The following CLSTN2 variants were observed in gnomAD, a reference collection of about 807,000 sequenced individuals.
The protein encoded by CLSTN2 is calsyntenin-2.
Under a neutral mutation model 101.2 loss-of-function variants are expected in CLSTN2, and 48 were observed. That is an observed-to-expected ratio of 0.47 (90% confidence interval 0.38 to 0.60). CLSTN2 has a LOEUF of 0.60. Ranked by LOEUF, CLSTN2 falls within the 20% of genes least tolerant of loss-of-function variation. The pLI is 0.00. For synonymous variants in CLSTN2, 481 were observed against 463.6 expected, an observed-to-expected ratio of 1.04 and a Z score of -0.48; for missense variants, 1,160 against 1,238.2, an observed-to-expected ratio of 0.94 and a Z score of 0.95.
chr3:140,422,124 G>T (rs1229057109), intron 5 of CLSTN2, among the ~76,000 whole-genome samples: 2 of 151,880 alleles, frequency 1.3e-5, no homozygotes, highest in African/African-American at 4.8e-5. Context: ...TCTGTGTACT[G>T]CCTTCTCTTG....
At chr3:140,063,578 CAG>C (rs1339605335) in intron 1 of CLSTN2, among the ~76,000 whole-genome samples, 2 of 152,158 alleles carry the variant, frequency 1.3e-5, no homozygotes, top group African/African-American at 4.8e-5. Context: ...TGCATGTGGA[CAG>C]AGTGTGGAAA....
chr3:140,210,932 T>C (rs769634928), intron 2 of CLSTN2, among the ~76,000 whole-genome samples: 10 of 152,182 alleles, frequency 6.6e-5, no homozygotes, highest in Non-Finnish European at 1.2e-4. Context: ...CTTCGATTCA[T>C]AGTTCCCCCT....
intron 2 of CLSTN2, among the ~76,000 whole-genome samples, chr3:140,390,602 TG>T (rs1431122264): frequency 6.6e-6 from 1 of 152,234 alleles, no homozygotes; most frequent in African/African-American, 2.4e-5. Context: ...ACATATCAGT[TG>T]GGACAAAATG....
intron 2 of CLSTN2, among the ~76,000 whole-genome samples, chr3:140,254,103 A>T (rs867744000): frequency 6.2e-4 from 94 of 152,338 alleles, no homozygotes; most frequent in African/African-American, 2.1e-3. Context: ...GAGACTCTTT[A>T]CAAAATATTT....
At chr3:140,128,614 A>G (rs772817074) in intron 1 of CLSTN2, among the ~76,000 whole-genome samples, 41 of 152,184 alleles carry the variant, frequency 2.7e-4, no homozygotes, top group Non-Finnish European at 5.0e-4. Context: ...GGCTTCCCTG[A>G]TGGAAGTGTG....
At chr3:140,532,765 T>C (rs181630494) in intron 9 of CLSTN2, among the ~76,000 whole-genome samples, 139 of 152,366 alleles carry the variant, frequency 9.1e-4, no homozygotes, top group Non-Finnish European at 1.7e-3. Context: ...TGAAGTCTTA[T>C]TCATTTCCAA....
intron 5 of CLSTN2, among the ~76,000 whole-genome samples, chr3:140,429,647 CG>C (rs1051276565): frequency 6.6e-6 from 1 of 152,100 alleles, no homozygotes; most frequent in Non-Finnish European, 1.5e-5. Flanking sequence ...AAGGACTCCT[CG>C]GCAAACCACA....
Position 140,138,686 on chromosome 3 carries a change from T to C in CLSTN2, c.110-37265T>C, listed in dbSNP as rs144404323. ...TTTGCTTTGAGCTATTTTTCATGCC[T>C]GAGTTACCCCCTACTCTCACCAAAG... is the stretch of plus-strand genomic sequence containing the variant. On this transcript the variant is annotated intron_variant, in intron 1 of 16. Transcript: ENST00000458420. 1.5e-3 allele frequency among the ~76,000 whole-genome samples: 233 copies of C among 152,338 alleles called. 1 individual carries two copies. The highest frequency in any genetic ancestry group is 5.4e-3 in the African/African-American group (226 of 41,590).
chr3:140,575,724 TA>T lies in CLSTN2; in HGVS notation c.*9472del, dbSNP rs5852987. 0.66 allele frequency: 100,237 copies of T among 151,982 alleles called. 36,523 individuals carry two copies. Among genetic ancestry groups the T allele is most frequent in the Non-Finnish European group, 0.83 (56,310 of 67,974 alleles). The allele number at this position is 151,982 out of a possible 1,614,324, so 9.4% of individuals were successfully genotyped here. ...TGGTAAGGAGGAGAGAATGATTTGGTAGGGGTATTCGAGAAATTTGAGTACA... is the reference window on the plus strand; with the variant it reads ...TGGTAAGGAGGAGAGAATGATTTGGTGGGGTATTCGAGAAATTTGAGTACA... On this transcript the variant is annotated 3_prime_UTR_variant, in exon 17 of 17. Coordinates refer to ENST00000458420, the MANE Select transcript of CLSTN2 (RefSeq NM_022131.3).
chr3:140,018,185 G>A (rs972449815), intron 1 of CLSTN2, among the ~76,000 whole-genome samples: 1 of 152,164 alleles, frequency 6.6e-6, no homozygotes, highest in Non-Finnish European at 1.5e-5. Context: ...GGCTGTGGTC[G>A]CTGTGTTTCT....
intron 4 of CLSTN2, among the ~76,000 whole-genome samples, chr3:140,409,966 T>G (rs553400131): frequency 6.6e-6 from 1 of 151,800 alleles, no homozygotes; most frequent in South Asian, 2.1e-4. Context: ...ATAAGCAAAC[T>G]TAAAGACAGG....
intron 1 of CLSTN2, among the ~76,000 whole-genome samples, chr3:140,035,337 T>C (rs2107761551): frequency 6.6e-6 from 1 of 152,360 alleles, no homozygotes; most frequent in East Asian, 1.9e-4. Context: ...GTCATGGTGC[T>C]GTAAACTTTC....
chr3:140,169,882 G>T (rs1012961919), intron 1 of CLSTN2, among the ~76,000 whole-genome samples: 2 of 151,962 alleles, frequency 1.3e-5, no homozygotes, highest in African/African-American at 4.8e-5. Context: ...GTGTTCCTGG[G>T]TACTATGTTT....
chr3:140,068,746 G>T (rs1369221519), intron 1 of CLSTN2, among the ~76,000 whole-genome samples: 1 of 152,206 alleles, frequency 6.6e-6, no homozygotes. Context: ...ACCAATTTCT[G>T]CTTCAAGAAT....
chr3:140,300,331 T>C (rs1327869314), intron 2 of CLSTN2, among the ~76,000 whole-genome samples: 2 of 152,186 alleles, frequency 1.3e-5, no homozygotes, highest in Non-Finnish European at 2.9e-5. Context: ...TCAACCAAAA[T>C]TCCTACAGTG....
chr3:140,118,004 T>C lies in CLSTN2; in HGVS notation c.110-57947T>C, dbSNP rs563578261. ...AGCCCTAAGCCCCAGTACCTCAGGA[T>C]GTGATTGTATTTTGAGACAGCACCT... On this transcript the variant is annotated intron_variant, in intron 1 of 16. Transcript: ENST00000458420. Among the ~76,000 whole-genome samples, 214 of 152,342 alleles carry C rather than the reference T, an allele frequency of 1.4e-3. 1 individual carries two copies. Among genetic ancestry groups the C allele is most frequent in the African/African-American group, 4.8e-3 (199 of 41,586 alleles).
At chr3:140,556,876 T>G in intron 11 of CLSTN2, 1 of 549,636 alleles carries the variant, frequency 1.8e-6, no homozygotes, top group Non-Finnish European at 3.3e-6. Context: ...GAATCCACCT[T>G]TCTCTATCTT....
chr3:140,463,703 A>G (rs1235562025), intron 7 of CLSTN2, among the ~76,000 whole-genome samples: 2 of 152,106 alleles, frequency 1.3e-5, no homozygotes, highest in African/African-American at 2.4e-5. Context: ...GGGCTGCCAC[A>G]ATTATAGGGT....
chr3:140,545,311 C>G (rs1935565283), intron 9 of CLSTN2, among the ~76,000 whole-genome samples: 1 of 152,154 alleles, frequency 6.6e-6, no homozygotes, highest in South Asian at 2.1e-4. Context: ...ACACTGTTAG[C>G]AACTGCTGGC....
Sources: allele counts gnomAD v4.1 joint callset (sites outside exome capture counted in the v4.1 genomes callset), GRCh38; gene constraint gnomAD v4.1.1; transcripts MANE v1.5; gene names NCBI Gene and HGNC (gene_info 2026-07-23, HGNC 2026-07-21).